ELAVL4: variants seen among roughly 807,000 people sequenced by gnomAD.
ELAVL4 encodes ELAV like RNA binding protein 4.
Under a neutral mutation model 35.6 loss-of-function variants are expected in ELAVL4, and 1 was observed. The ratio of observed to expected loss-of-function variants is 0.03; its 90% CI spans 0.01 to 0.13. The LOEUF is 0.13. ELAVL4 is among the 10% of genes least tolerant of loss of function. ELAVL4 has a pLI of 1.00. For synonymous variants in ELAVL4, 156 were observed against 171.0 expected (o/e 0.91, Z 0.69); for missense variants, 267 against 464.9 (o/e 0.57, Z 3.91).
intron 1 of ELAVL4, among the ~76,000 whole-genome samples, chr1:50,121,672 C>T (rs968366502): frequency 1.3e-5 from 2 of 151,924 alleles, no homozygotes; most frequent in African/African-American, 2.4e-5. Context: ...TAACAGTCAG[C>T]TTTTTTAGAA....
At chr1:50,145,436 A>AT (rs1175135593) in intron 2 of ELAVL4, among the ~76,000 whole-genome samples, 2 of 152,070 alleles carry the variant, frequency 1.3e-5, no homozygotes, top group African/African-American at 4.8e-5. Flanking sequence ...TGATCCTTTG[A>AT]TTTTGTCTCC....
intron 1 of ELAVL4, among the ~76,000 whole-genome samples, chr1:50,117,985 G>T (rs1275420242): frequency 6.6e-6 from 1 of 152,030 alleles, no homozygotes; most frequent in Non-Finnish European, 1.5e-5. Flanking sequence ...GAATTCACTT[G>T]GGATTTAGTT....
chr1:50,096,432 T>C lies in ELAVL4; in HGVS notation c.18+48250T>C, dbSNP rs543977281. On this transcript the variant is annotated intron_variant, in intron 1 of 6. Transcript: ENST00000448907. Reference sequence around the variant, plus strand: ...AAGAAATTACAGGCATAAAGACAAGTGTTGTGAGAGAATAGATGGTCATAT... The same window carrying C: ...AAGAAATTACAGGCATAAAGACAAGCGTTGTGAGAGAATAGATGGTCATAT... Among the ~76,000 whole-genome samples the C allele has an allele frequency of 2.9e-3, 420 of 146,854 alleles. 1 individual carries two copies. Among genetic ancestry groups the C allele is most frequent in the African/African-American group, 9.7e-3 (382 of 39,430 alleles).
chr1:50,197,536 T>A (rs1371898534), intron 6 of ELAVL4, 69 bp downstream of exon 6: 6 of 1,325,154 alleles, frequency 4.5e-6, no homozygotes, highest in African/African-American at 3.0e-5. Flanking sequence ...TTTTTTTTTT[T>A]AATTCACTAA....
At chr1:50,119,080 GAAAGAA>G (rs1557726991) in intron 1 of ELAVL4, among the ~76,000 whole-genome samples, 1 of 134,596 alleles carries the variant, frequency 7.4e-6, no homozygotes, top group Non-Finnish European at 1.6e-5. Context: ...AAGAAAGAAA[GAAAGAA>G]AGAAAGAAAA....
intron 1 of ELAVL4, among the ~76,000 whole-genome samples, chr1:50,069,142 T>C (rs560511271): frequency 1.3e-5 from 2 of 152,336 alleles, no homozygotes; most frequent in East Asian, 3.9e-4. Flanking sequence ...TATCTCTATG[T>C]CATATTTTAA....
chr1:50,139,733 A>G (rs1015175151), intron 1 of ELAVL4, among the ~76,000 whole-genome samples: 2 of 152,158 alleles, frequency 1.3e-5, no homozygotes, highest in Non-Finnish European at 2.9e-5. Context: ...TTAGTTTCCA[A>G]GAGCAGGAGG....
At chr1:50,112,363 G>A (rs987638434) in intron 1 of ELAVL4, among the ~76,000 whole-genome samples, 2 of 152,062 alleles carry the variant, frequency 1.3e-5, no homozygotes, top group African/African-American at 4.8e-5. Flanking sequence ...GGCTTGGGTT[G>A]TAAAAAAGAC....
In ELAVL4 at chr1:50,182,508, A is replaced by C. The variant is rs550537131; in HGVS notation, c.354+5316A>C. Among the ~76,000 whole-genome samples, 17 of 152,340 alleles carry C rather than the reference A, an allele frequency of 1.1e-4. No homozygotes were observed. The East Asian group carries it at 3.1e-3, about 28-fold the overall frequency. ...CAACTCTAAAGCAGTGGGACAGGGCAGTCATGGGGCTGCAGAGGTTTCTGT... is the reference window on the plus strand; with the variant it reads ...CAACTCTAAAGCAGTGGGACAGGGCCGTCATGGGGCTGCAGAGGTTTCTGT... On this transcript the variant is annotated intron_variant, in intron 3 of 6. Transcript: ENST00000371824.
intron 1 of ELAVL4, among the ~76,000 whole-genome samples, chr1:50,055,977 G>C (rs1342439516): frequency 1.3e-5 from 2 of 152,184 alleles, no homozygotes; most frequent in African/African-American, 2.4e-5. Context: ...GTAGGACTCT[G>C]TATAACTTTG....
chr1:50,057,493 G>A (rs1663740372), intron 1 of ELAVL4, among the ~76,000 whole-genome samples: 1 of 152,164 alleles, frequency 6.6e-6, no homozygotes, highest in African/African-American at 2.4e-5. Context: ...CTCACTCAGA[G>A]TAATTTCCAG....
intron 1 of ELAVL4, among the ~76,000 whole-genome samples, chr1:50,125,672 G>C (rs1669784468): frequency 6.6e-6 from 1 of 152,052 alleles, no homozygotes; most frequent in African/African-American, 2.4e-5. Flanking sequence ...GTCAGGAGGA[G>C]GATTTGGCCA....
chr1:50,128,303 A>G (rs1469573212), intron 1 of ELAVL4, among the ~76,000 whole-genome samples: 1 of 152,156 alleles, frequency 6.6e-6, no homozygotes, highest in African/African-American at 2.4e-5. Context: ...TAGCTTTAAA[A>G]GAATGAATTC....
At chr1:50,065,034 T>A (rs1397932166) in intron 1 of ELAVL4, among the ~76,000 whole-genome samples, 1 of 152,078 alleles carries the variant, frequency 6.6e-6, no homozygotes, top group Non-Finnish European at 1.5e-5. Context: ...AAGGAAGGCA[T>A]GGAGAACCTG....
chr1:50,151,601 C>T (rs754110534), intron 2 of ELAVL4, among the ~76,000 whole-genome samples: 8 of 152,154 alleles, frequency 5.3e-5, no homozygotes, highest in Non-Finnish European at 1.2e-4. Context: ...TTTCTACATG[C>T]ACATAAGACG....
chr1:50,134,247 A>G (rs1671522670), intron 1 of ELAVL4, among the ~76,000 whole-genome samples: 1 of 152,312 alleles, frequency 6.6e-6, no homozygotes. Context: ...CAGGCATTTT[A>G]TAAATATACA....
intron 1 of ELAVL4, among the ~76,000 whole-genome samples, chr1:50,076,750 AAG>A (rs1378996993): frequency 2.6e-5 from 4 of 152,154 alleles, no homozygotes; most frequent in African/African-American, 9.7e-5. Flanking sequence ...AATGGGAAGA[AAG>A]AGAGAGGGGG....
intron 2 of ELAVL4, among the ~76,000 whole-genome samples, chr1:50,164,203 C>T (rs367864581): frequency 6.6e-6 from 1 of 152,140 alleles, no homozygotes; most frequent in African/African-American, 2.4e-5. Flanking sequence ...CCACTATGAG[C>T]ATTGAGTCTA....
intron 5 of ELAVL4, among the ~76,000 whole-genome samples, chr1:50,197,196 A>G (rs958864561): frequency 2.6e-5 from 4 of 151,716 alleles, no homozygotes; most frequent in African/African-American, 7.3e-5. Context: ...TCAGACCTTG[A>G]AAGAAAGGGA....
Sources: gnomAD v4.1 joint callset for allele counts (sites outside exome capture counted in the v4.1 genomes callset) on GRCh38, gnomAD v4.1.1 for gene constraint, MANE v1.5 for transcripts, NCBI Gene and HGNC (gene_info 2026-07-23, HGNC 2026-07-21) for gene names.